Variants in TULP4 observed in about 807,000 individuals in gnomAD.
The protein encoded by TULP4 is TUB like protein 4.
In TULP4, 16 loss-of-function variants were observed where a neutral mutation model predicts 129.0. The observed-to-expected ratio is 0.12, with a 90% confidence interval of 0.08 to 0.19. The LOEUF is 0.19. Among genes scored for constraint, TULP4 ranks in the 10% least tolerant of loss-of-function variants. The pLI is 1.00. For synonymous variants in TULP4, 998 were observed against 854.0 expected, an observed-to-expected ratio of 1.17 and a Z score of -2.94; for missense variants, 1,842 against 2,059.1, an observed-to-expected ratio of 0.89 and a Z score of 2.04.
At chr6:158,244,912 G>A (rs916469938) in intron 1 of TULP4, among the ~76,000 whole-genome samples, 2 of 152,098 alleles carry the variant, frequency 1.3e-5, no homozygotes, top group Admixed American at 1.3e-4. Context: ...AAGCCACTCA[G>A]TTTATGGTTT....
chr6:158,402,330 A>G lies in TULP4; in HGVS notation c.253-10735A>G, dbSNP rs546834903. 7.4e-5 allele frequency among the ~76,000 whole-genome samples: 11 copies of G among 149,538 alleles called. No individual in the cohort carries two copies. The East Asian group carries it at 2.3e-3, about 31-fold the overall frequency. ...CTGGACTGCAACTTTCAGTATCTCC[A>G]GTGCCTGGCACAAGGTTAATGCTCA... On this transcript the variant is annotated intron_variant, in intron 1 of 13. Transcript: ENST00000367097.
In TULP4 at chr6:158,502,507, C is replaced by T. The variant is rs1780476189; in HGVS notation, c.2844C>T (p.Val948=). Residue 948 remains valine, a synonymous_variant, in exon 13 of 14, where the codon GTC becomes GTT. Coordinates refer to ENST00000367097, the MANE Select transcript of TULP4 (RefSeq NM_020245.5). ...GTGCCACCCTGAACCGCCTGACCGT[C>T]CCTCGCTACTCCATCCCCACCGGGG... ...CSSATLNRLT[V]PRYSIPTGDP... The T allele has an allele frequency of 6.2e-7, 1 of 1,612,688 alleles. No homozygotes were observed.
intron 6 of TULP4, among the ~76,000 whole-genome samples, chr6:158,463,831 G>A (rs1779498131): frequency 6.6e-6 from 1 of 151,470 alleles, no homozygotes; most frequent in Non-Finnish European, 1.5e-5. Context: ...TTTTAATTGT[G>A]GTAAAACACA....
chr6:158,251,097 A>C (rs570486087), intron 1 of TULP4, among the ~76,000 whole-genome samples: 1 of 152,310 alleles, frequency 6.6e-6, no homozygotes, highest in South Asian at 2.1e-4. Context: ...TAGATCACAA[A>C]AGAGCCCTGA....
intron 8 of TULP4, among the ~76,000 whole-genome samples, chr6:158,483,145 T>G (rs1250306475): frequency 3.3e-5 from 5 of 152,186 alleles, no homozygotes; most frequent in African/African-American, 1.2e-4. Flanking sequence ...TAAACCCTTT[T>G]GGGTGATAAG....
chr6:158,315,416 C>T (rs1441181230), intron 1 of TULP4, among the ~76,000 whole-genome samples: 1 of 152,112 alleles, frequency 6.6e-6, no homozygotes, highest in Non-Finnish European at 1.5e-5. Context: ...CTCTTATTAC[C>T]ATCACCTAGG....
At chr6:158,418,138 T>A (rs1044310368) in intron 2 of TULP4, among the ~76,000 whole-genome samples, 2 of 150,212 alleles carry the variant, frequency 1.3e-5, no homozygotes, top group African/African-American at 4.9e-5. Context: ...AGACAGGGTC[T>A]CTCTGTCACC....
chr6:158,462,747 CTTTTTTTTTT>C (rs56829575), intron 6 of TULP4, among the ~76,000 whole-genome samples: 2 of 127,854 alleles, frequency 1.6e-5, no homozygotes, highest in South Asian at 2.5e-4. Context: ...TTTTTTTTTC[CTTTTTTTTTT>C]TTTTTTTTTG....
At chr6:158,343,858 A>G (rs1485784161) in intron 1 of TULP4, among the ~76,000 whole-genome samples, 1 of 152,226 alleles carries the variant, frequency 6.6e-6, no homozygotes, top group Non-Finnish European at 1.5e-5. Context: ...CATGGAGAAA[A>G]TACTAATAAA....
intron 1 of TULP4, among the ~76,000 whole-genome samples, chr6:158,302,300 A>G (rs541006371): frequency 1.3e-5 from 2 of 152,310 alleles, no homozygotes; most frequent in South Asian, 4.1e-4. Flanking sequence ...ATTTTTCACA[A>G]TTCGATTTAT....
At chr6:158,357,662 T>G (rs1302671562) in intron 1 of TULP4, among the ~76,000 whole-genome samples, 2 of 152,224 alleles carry the variant, frequency 1.3e-5, no homozygotes, top group Non-Finnish European at 2.9e-5. Context: ...CTTGAAGTGT[T>G]CCTCTGATGC....
intron 6 of TULP4, among the ~76,000 whole-genome samples, chr6:158,472,850 TC>T (rs1169521158): frequency 1.3e-5 from 2 of 152,256 alleles, no homozygotes; most frequent in East Asian, 3.8e-4. Context: ...TGATTTATTT[TC>T]CTTTCTGTCC....
At chr6:158,336,505 T>C (rs1393112889) in intron 1 of TULP4, among the ~76,000 whole-genome samples, 3 of 152,206 alleles carry the variant, frequency 2.0e-5, no homozygotes, top group Admixed American at 6.5e-5. Flanking sequence ...TTTCCACATG[T>C]AAGTGATAGA....
intron 1 of TULP4, among the ~76,000 whole-genome samples, chr6:158,341,297 C>T (rs1317546580): frequency 6.6e-6 from 1 of 152,020 alleles, no homozygotes; most frequent in African/African-American, 2.4e-5. Context: ...AATAATATTC[C>T]CATGTGTGTA....
chr6:158,501,548 C>T (rs942235995), intron 12 of TULP4, 130 bp from the exon 13 acceptor site: 31 of 926,112 alleles, frequency 3.3e-5, no homozygotes, highest in African/African-American at 6.7e-5. Context: ...CAAGCAGACA[C>T]GTCTCTGTCT....
chr6:158,279,269 A>G (rs1778705639), upstream of TULP4, among the ~76,000 whole-genome samples: 1 of 152,164 alleles, frequency 6.6e-6, no homozygotes, highest in Admixed American at 6.5e-5. Flanking sequence ...AATGTAGAAC[A>G]ATAAGTAGAT....
intron 1 of TULP4, among the ~76,000 whole-genome samples, chr6:158,384,722 G>A (rs1047820764): frequency 5.3e-5 from 8 of 152,156 alleles, no homozygotes; most frequent in African/African-American, 1.9e-4. Context: ...CCCCAACTAG[G>A]CATGAGGAGT....
chr6:158,333,529 A>G (rs1779962649), intron 1 of TULP4, among the ~76,000 whole-genome samples: 1 of 152,208 alleles, frequency 6.6e-6, no homozygotes, highest in Non-Finnish European at 1.5e-5. Flanking sequence ...CTAATACAGA[A>G]AAGTTCAGAA....
intron 12 of TULP4, among the ~76,000 whole-genome samples, chr6:158,499,182 C>T (rs906248495): frequency 5.9e-5 from 9 of 152,190 alleles, no homozygotes; most frequent in African/African-American, 1.9e-4. Context: ...GACTCAATCT[C>T]ATTGATCTAG....
Sources: gnomAD v4.1 joint callset for allele counts (sites outside exome capture counted in the v4.1 genomes callset) on GRCh38, gnomAD v4.1.1 for gene constraint, MANE v1.5 for transcripts, NCBI Gene and HGNC (gene_info 2026-07-23, HGNC 2026-07-21) for gene names.